Variants in RTL4 observed in about 807,000 individuals in gnomAD.
The protein encoded by RTL4 is retrotransposon Gag like 4.
In RTL4, 4 loss-of-function variants were observed where a neutral mutation model predicts 5.3. The ratio of observed to expected loss-of-function variants is 0.75; its 90% CI spans 0.37 to 1.72. The LOEUF (loss-of-function observed/expected upper bound fraction) is 1.72, where lower values mean the gene tolerates loss of function less well. RTL4 is among the 40% of genes most tolerant of loss of function. The pLI is 0.04. For missense variants in RTL4, 260 were observed against 227.1 expected, an observed-to-expected ratio of 1.14 and a Z score of -0.93; for synonymous variants, 98 against 87.3, an observed-to-expected ratio of 1.12 and a Z score of -0.68.
the RTL4 span, among the ~76,000 whole-genome samples, chrX:112,419,395 C>G: frequency 1.7e-5 from 1 of 58,273 alleles, no homozygotes; most frequent in Admixed American, 3.1e-4. Flanking sequence ...GAGTCTCACT[C>G]TGTCACCCAG....
the RTL4 span, among the ~76,000 whole-genome samples, chrX:112,251,093 A>G: frequency 1.9e-4 from 21 of 111,961 alleles, no homozygotes; most frequent in East Asian, 5.6e-3. Context: ...CCTCAAAAAG[A>G]TTACCTTCAA....
chrX:112,369,909 C>G, the RTL4 span, among the ~76,000 whole-genome samples: 1 of 112,012 alleles, frequency 8.9e-6, no homozygotes, highest in African/African-American at 3.2e-5. Flanking sequence ...AATGTGGCTG[C>G]AAGAGTGACT....
chrX:112,348,078 C>T, the RTL4 span, among the ~76,000 whole-genome samples: 1 of 111,269 alleles, frequency 9.0e-6, no homozygotes, highest in South Asian at 3.7e-4. Flanking sequence ...TTCCTAAATT[C>T]TAAGTCGAAT....
chrX:112,324,582 A>G, the RTL4 span, among the ~76,000 whole-genome samples: 1 of 111,334 alleles, frequency 9.0e-6, no homozygotes, highest in African/African-American at 3.3e-5. Flanking sequence ...TTTAAAATAT[A>G]AGCCTTAATA....
At chrX:112,330,200 G>C in the RTL4 span, among the ~76,000 whole-genome samples, 1 of 106,789 alleles carries the variant, frequency 9.4e-6, no homozygotes, top group Non-Finnish European at 1.9e-5. Flanking sequence ...TATTCAATTA[G>C]GAAAAGAGGA....
upstream of RTL4, among the ~76,000 whole-genome samples, chrX:112,453,358 T>TA (rs1014489821): frequency 1.8e-5 from 2 of 112,392 alleles, no homozygotes. Flanking sequence ...GTTCAACTGC[T>TA]ATGCCATATG....
At chrX:112,319,054 A>G in the RTL4 span, among the ~76,000 whole-genome samples, 1 of 111,965 alleles carries the variant, frequency 8.9e-6, no homozygotes, top group Non-Finnish European at 1.9e-5. Context: ...CTTGGGTTGA[A>G]CTAAACATGT....
chrX:112,269,813 A>G, the RTL4 span, among the ~76,000 whole-genome samples: 1 of 111,799 alleles, frequency 8.9e-6, no homozygotes, highest in Admixed American at 9.5e-5. Flanking sequence ...GCACTGAACC[A>G]ATCACCTTAG....
At chrX:112,107,255 T>C in the RTL4 span, among the ~76,000 whole-genome samples, 1,466 of 112,030 alleles carry the variant, frequency 0.013, 39 homozygotes, top group African/African-American at 0.045. Context: ...ATTTACATCT[T>C]TTTATAATGC....
At chrX:112,173,692 G>A in the RTL4 span, among the ~76,000 whole-genome samples, 1 of 110,076 alleles carries the variant, frequency 9.1e-6, no homozygotes, top group Non-Finnish European at 1.9e-5. Flanking sequence ...GTAGCCCTCT[G>A]GAGTTGGAAG....
the RTL4 span, among the ~76,000 whole-genome samples, chrX:112,335,170 C>G: frequency 8.9e-6 from 1 of 111,949 alleles, no homozygotes; most frequent in African/African-American, 3.2e-5. Context: ...CCATGTTCCT[C>G]TCTGATAGTT....
At chrX:112,335,572 T>A in the RTL4 span, among the ~76,000 whole-genome samples, 5 of 111,130 alleles carry the variant, frequency 4.5e-5, no homozygotes, top group Non-Finnish European at 7.6e-5. Flanking sequence ...TTGCTTACAG[T>A]TTTCAATGTC....
chrX:112,109,677 T>TACAATC, the RTL4 span, among the ~76,000 whole-genome samples: 1 of 111,694 alleles, frequency 9.0e-6, no homozygotes, highest in Non-Finnish European at 1.9e-5. Context: ...TGGCACATTT[T>TACAATC]ACAATCCTCT....
At chrX:112,123,880 A>G in the RTL4 span, among the ~76,000 whole-genome samples, 4 of 112,012 alleles carry the variant, frequency 3.6e-5, no homozygotes, top group Admixed American at 9.5e-5. Context: ...AAAAGAAACT[A>G]TCATCAGAGT....
At chrX:112,432,572 G>C in the RTL4 span, among the ~76,000 whole-genome samples, 4 of 97,764 alleles carry the variant, frequency 4.1e-5, no homozygotes, top group African/African-American at 7.7e-5. Flanking sequence ...ACTTTTTGAT[G>C]GGGTTGTTTG....
the RTL4 span, among the ~76,000 whole-genome samples, chrX:112,168,086 T>C: frequency 9.0e-6 from 1 of 111,533 alleles, no homozygotes; most frequent in East Asian, 2.8e-4. Flanking sequence ...TTCTTGTGCC[T>C]CTAATATGCA....
chrX:112,167,750 A>G, the RTL4 span, among the ~76,000 whole-genome samples: 1 of 107,577 alleles, frequency 9.3e-6, no homozygotes, highest in African/African-American at 3.4e-5. Context: ...GTCCAAGGTC[A>G]TGTAGTATGT....
At chrX:112,265,414 A>G in the RTL4 span, among the ~76,000 whole-genome samples, 1 of 111,612 alleles carries the variant, frequency 9.0e-6, no homozygotes, top group Non-Finnish European at 1.9e-5. Flanking sequence ...CATAACCCAG[A>G]CAGAAGGGGG....
chrX:112,175,832 C>T, the RTL4 span, among the ~76,000 whole-genome samples: 5 of 111,059 alleles, frequency 4.5e-5, no homozygotes, highest in Non-Finnish European at 9.4e-5. Flanking sequence ...GCAGGGATGC[C>T]GTCTCTCACC....
Sources: gnomAD v4.1 joint callset for allele counts (sites outside exome capture counted in the v4.1 genomes callset) on GRCh38, gnomAD v4.1.1 for gene constraint, MANE v1.5 for transcripts, NCBI Gene and HGNC (gene_info 2026-07-23, HGNC 2026-07-21) for gene names.